SERTAD2: variants seen among roughly 807,000 people sequenced by gnomAD.
SERTAD2 encodes SERTA domain containing 2.
Under a neutral mutation model 15.4 loss-of-function variants are expected in SERTAD2, and 2 were observed. That is an observed-to-expected ratio of 0.13 (90% CI 0.05 to 0.41). The LOEUF is 0.41. Among genes scored for constraint, SERTAD2 ranks in the 10% least tolerant of loss-of-function variants. SERTAD2 has a pLI of 0.99. For synonymous variants in SERTAD2, 180 were observed against 178.0 expected, an observed-to-expected ratio of 1.01 and a Z score of -0.09; for missense variants, 333 against 409.7, an observed-to-expected ratio of 0.81 and a Z score of 1.62.
At chr2:64,639,968 C>T (rs1225989910) in intron 1 of SERTAD2, among the ~76,000 whole-genome samples, 1 of 152,140 alleles carries the variant, frequency 6.6e-6, no homozygotes, top group Non-Finnish European at 1.5e-5. Flanking sequence ...GGAACAGACA[C>T]ACACACCAAA....
chr2:64,653,218 G>C (rs908151984), intron 1 of SERTAD2, among the ~76,000 whole-genome samples: 13 of 152,136 alleles, frequency 8.5e-5, no homozygotes, highest in African/African-American at 2.9e-4. Context: ...AGCAGCCTTC[G>C]CGCCAGCAAT....
chr2:64,640,560 G>A (rs985477596), intron 1 of SERTAD2, among the ~76,000 whole-genome samples: 3 of 151,186 alleles, frequency 2.0e-5, no homozygotes, highest in African/African-American at 7.3e-5. Flanking sequence ...AAAAGGCTTC[G>A]CTGGGCTGCA....
chr2:64,636,536 G>A lies in SERTAD2; in HGVS notation c.336C>T (p.Ser112=). The change falls in exon 2 of 2, where the codon TCC becomes TCT. Residue 112 remains serine (S), a synonymous_variant. Coordinates refer to ENST00000313349, the MANE Select transcript of SERTAD2 (RefSeq NM_014755.3). ...CGAGGTCGCAGGGGTGGGAGGACGG[G>A]GACGCCAGGTGGCTGAAGGCCGGCG... The part of the protein sequence containing the change: ...EAPPAFSHLA[S]PSSHPCDLGS... The A allele has an allele frequency of 1.9e-6, 3 of 1,600,168 alleles. No individual in the cohort carries two copies. Among genetic ancestry groups the A allele is most frequent in the Non-Finnish European group, 2.6e-6 (3 of 1,171,376 alleles).
At chr2:64,644,194 G>C (rs1387454158) in intron 1 of SERTAD2, among the ~76,000 whole-genome samples, 2 of 152,206 alleles carry the variant, frequency 1.3e-5, no homozygotes, top group Non-Finnish European at 2.9e-5. Flanking sequence ...CATACTCCTG[G>C]TGTCTTTTGG....
rs1674551893 is a variant in SERTAD2, at chr2:64,632,338, G to C, written c.*3589C>G. On this transcript the variant is annotated 3_prime_UTR_variant, in exon 2 of 2. Coordinates refer to ENST00000313349, the MANE Select transcript of SERTAD2 (RefSeq NM_014755.3). ...CCACAAAGGTGGTTCATAAATTTAA[G>C]CTTTAAAAACGATCTGTAAGTTGAT... 2 of 150,240 alleles carry C rather than the reference G, an allele frequency of 1.3e-5. No individual in the cohort carries two copies. Among genetic ancestry groups the C allele is most frequent in the Non-Finnish European group, 3.0e-5 (2 of 67,694 alleles). The allele number at this position is 150,240 out of a possible 1,614,324, so 9.3% of individuals were successfully genotyped here. A position where few individuals can be genotyped will look rare whatever the true frequency, so the allele number is the denominator to read the frequency against.
At chr2:64,640,605 G>C (rs185899479) in intron 1 of SERTAD2, among the ~76,000 whole-genome samples, 2 of 152,134 alleles carry the variant, frequency 1.3e-5, no homozygotes, top group Non-Finnish European at 2.9e-5. Context: ...AGCTAAGGAC[G>C]TGTAGGTGAC....
At chr2:64,653,007 C>A (rs1364803271) in intron 1 of SERTAD2, among the ~76,000 whole-genome samples, 2 of 152,122 alleles carry the variant, frequency 1.3e-5, no homozygotes, top group Non-Finnish European at 2.9e-5. Flanking sequence ...ACGAAGATGA[C>A]TTGTAGATTT....
At chr2:64,648,565 C>T (rs1460012102) in intron 1 of SERTAD2, among the ~76,000 whole-genome samples, 3 of 152,152 alleles carry the variant, frequency 2.0e-5, no homozygotes, top group South Asian at 4.1e-4. Context: ...CAGAGTACCA[C>T]ACTAAATGTA....
chr2:64,645,364 C>CT (rs1361201922), intron 1 of SERTAD2, among the ~76,000 whole-genome samples: 1 of 146,484 alleles, frequency 6.8e-6, no homozygotes, highest in Non-Finnish European at 1.5e-5. Context: ...ATCCTCCCGG[C>CT]TTTCTTGACA....
chr2:64,653,728 C>T lies in SERTAD2; in HGVS notation c.-113G>A, dbSNP rs1176009420. On this transcript the variant is annotated 5_prime_UTR_variant, in exon 1 of 2. Coordinates refer to ENST00000313349, the MANE Select transcript of SERTAD2 (RefSeq NM_014755.3). ...CCGCTCCAGGGGCCCGAGGGTGGCG[C>T]CGGGGAGCGGGCAGCAGGCGAGGCT... The T allele has an allele frequency of 1.3e-5, 2 of 152,366 alleles. No individual in the cohort carries two copies. Among genetic ancestry groups the T allele is most frequent in the Non-Finnish European group, 2.9e-5 (2 of 68,164 alleles). The allele number at this position is 152,366 out of a possible 1,614,324, so 9.4% of individuals were successfully genotyped here.
Position 64,636,039 on chromosome 2 carries a change from T to C in SERTAD2, c.833A>G (p.Asp278Gly). The change falls in exon 2 of 2, where the codon GAC becomes GGC. Residue 278 changes from aspartate to glycine, a missense_variant. Transcript: ENST00000313349. ...ASKMAPVSAD[D>G]LLKTLAPYSS... is the part of the protein sequence containing the mutation. Reference sequence around the variant, plus strand: ...GTAAGGAGCCAGAGTTTTGAGGAGGTCGTCGGCAGACACAGGGGCCATTTT... The same window carrying C: ...GTAAGGAGCCAGAGTTTTGAGGAGGCCGTCGGCAGACACAGGGGCCATTTT... 2 of 1,613,574 alleles carry C rather than the reference T, an allele frequency of 1.2e-6. No individual in the cohort carries two copies. Among genetic ancestry groups the C allele is most frequent in the South Asian group, 1.1e-5 (1 of 91,052 alleles).
chr2:64,634,944 T>G lies in SERTAD2; in HGVS notation c.*983A>C, dbSNP rs1372056275. 1 of 152,650 alleles carries G rather than the reference T, an allele frequency of 6.6e-6. No individual in the cohort carries two copies. Among genetic ancestry groups the G allele is most frequent in the African/African-American group, 2.4e-5 (1 of 41,452 alleles). 9.5% of individuals were successfully genotyped at this position (152,650 alleles called of 1,614,324 possible). ...CAAAAGAGGGAGCAAAAGAGAACCA[T>G]CACTTAAACCCCCAGCTCCACAGCC... On this transcript the variant is annotated 3_prime_UTR_variant, in exon 2 of 2. Transcript: ENST00000313349.
intron 1 of SERTAD2, among the ~76,000 whole-genome samples, chr2:64,651,411 A>G (rs1244031725): frequency 5.3e-5 from 8 of 152,190 alleles, no homozygotes; most frequent in Admixed American, 3.9e-4. Context: ...TACGTTTTGT[A>G]ATGTTTTTTG....
intron 1 of SERTAD2, among the ~76,000 whole-genome samples, 160 bp downstream of exon 1, chr2:64,653,460 G>T (rs901671573): frequency 2.3e-4 from 35 of 150,942 alleles, no homozygotes; most frequent in African/African-American, 8.2e-4. Context: ...CGCTCCTCCC[G>T]TACCTGCTCC....
rs750737128 is a variant in SERTAD2 at position 64,636,161 on chromosome 2, G to A, written c.711C>T (p.Phe237=). The change falls in exon 2 of 2, where the codon TTC becomes TTT. Residue 237 remains phenylalanine (F), a synonymous_variant. Transcript: ENST00000313349. ...TGTCATCCAGGGTCAAGTCTGTCAG[G>A]AAACCCGTGGACGTCGTTATTTCAA... ...GNFEITTSTG[F]LTDLTLDDIL... is the part of the protein sequence containing the mutation. The A allele has an allele frequency of 6.8e-6, 11 of 1,614,196 alleles. No individual in the cohort carries two copies. The Middle Eastern group carries it at 1.2e-3, about 169-fold the overall frequency.
chr2:64,641,736 G>A (rs1674782378), intron 1 of SERTAD2, among the ~76,000 whole-genome samples: 1 of 152,184 alleles, frequency 6.6e-6, no homozygotes, highest in Non-Finnish European at 1.5e-5. Context: ...GGAGTTGAAC[G>A]GTTTTACAGG....
At position 64,635,261 on chromosome 2, in the gene SERTAD2, C is replaced by G. The variant is rs1188132066; in HGVS notation, c.*666G>C. 5 of 152,650 alleles carry G rather than the reference C, an allele frequency of 3.3e-5. No homozygotes were observed. Among genetic ancestry groups the G allele is most frequent in the Admixed American group, 3.3e-4 (5 of 15,286 alleles). The allele number at this position is 152,650 out of a possible 1,614,324, so 9.5% of individuals were successfully genotyped here. The stretch of plus-strand genomic sequence containing the variant: ...AAAAGTACAAGTGCAACTTGTACAT[C>G]TGAAGTTTGCAGGAACTATGTGAGC... On this transcript the variant is annotated 3_prime_UTR_variant, in exon 2 of 2. Coordinates refer to ENST00000313349, the MANE Select transcript of SERTAD2 (RefSeq NM_014755.3).
chr2:64,647,009 T>G (rs1297049808), intron 1 of SERTAD2, among the ~76,000 whole-genome samples: 2 of 152,154 alleles, frequency 1.3e-5, no homozygotes, highest in Non-Finnish European at 2.9e-5. Flanking sequence ...CTATAAATTA[T>G]CTCCATACTG....
rs751417532 is a variant in SERTAD2 at position 64,636,524 on chromosome 2, G to C, written c.348C>G (p.His116Gln). 6.2e-7 allele frequency: 1 copy of C among 1,603,966 alleles called. No homozygotes were observed. The highest frequency in any genetic ancestry group is 8.5e-7 in the Non-Finnish European group (1 of 1,173,486). ...AFSHLASPSS[H>Q]PCDLGSTTPL... ...GCGTAGTGCTTCCGAGGTCGCAGGG[G>C]TGGGAGGACGGGGACGCCAGGTGGC... The change falls in exon 2 of 2, where the codon CAC becomes CAG. Residue 116 changes from histidine (H) to glutamine (Q), a missense_variant. Physicochemically the swap from His to Gln is conservative, Grantham distance 24. Around this residue, in one of 2 missense-constraint regions of SERTAD2, gnomAD observed 332 missense variants for 392.9 expected, o/e 0.84. Coordinates refer to ENST00000313349, the MANE Select transcript of SERTAD2 (RefSeq NM_014755.3).
Sources: allele counts gnomAD v4.1 joint callset (sites outside exome capture counted in the v4.1 genomes callset), GRCh38; gene constraint gnomAD v4.1.1; regional missense constraint gnomAD v4.1.1; transcripts MANE v1.5; gene names NCBI Gene and HGNC (gene_info 2026-07-23, HGNC 2026-07-21).